Variants in GALNT13 observed in about 807,000 individuals in gnomAD.
The protein encoded by GALNT13 is polypeptide N-acetylgalactosaminyltransferase 13, also known as UDP-GalNAc:polypeptide N-acetylgalactosaminyltransferase 13.
GALNT13 carries 28 observed loss-of-function variants against 64.2 expected under a neutral mutation model. That is an observed-to-expected ratio of 0.44 (90% confidence interval 0.32 to 0.60). GALNT13 has a LOEUF of 0.60. Among genes scored for constraint, GALNT13 ranks in the 20% least tolerant of loss-of-function variants. GALNT13 has a pLI of 0.05. For missense variants in GALNT13, 577 were observed against 669.8 expected, an observed-to-expected ratio of 0.86 and a Z score of 1.53; for synonymous variants, 214 against 224.6, an observed-to-expected ratio of 0.95 and a Z score of 0.42.
chr2:153,759,842 A>G, the GALNT13 span, among the ~76,000 whole-genome samples: 1 of 151,984 alleles, frequency 6.6e-6, no homozygotes, highest in African/African-American at 2.4e-5. Context: ...AAAAAATTGG[A>G]AATACTCATT....
intron 2 of GALNT13, among the ~76,000 whole-genome samples, chr2:153,904,965 G>T (rs1688458160): frequency 6.6e-6 from 1 of 151,776 alleles, no homozygotes; most frequent in Non-Finnish European, 1.5e-5. Flanking sequence ...TTCTATATAT[G>T]TCTGGGTCTT....
chr2:153,256,521 C>T, the GALNT13 span, among the ~76,000 whole-genome samples: 1 of 152,206 alleles, frequency 6.6e-6, no homozygotes, highest in Admixed American at 6.5e-5. Flanking sequence ...GAACTGCGTT[C>T]CTTTGGAGGA....
chr2:154,311,783 A>G (rs1694056168), intron 9 of GALNT13, among the ~76,000 whole-genome samples: 1 of 152,114 alleles, frequency 6.6e-6, no homozygotes, highest in South Asian at 2.1e-4. Context: ...TCAGAGACCT[A>G]CCCCTAGGTG....
intron 3 of GALNT13, among the ~76,000 whole-genome samples, chr2:154,046,135 C>T (rs1699270654): frequency 6.6e-6 from 1 of 151,114 alleles, no homozygotes; most frequent in Non-Finnish European, 1.5e-5. Context: ...TAGTGAGACC[C>T]CATCTCTACC....
chr2:153,210,559 T>C, the GALNT13 span, among the ~76,000 whole-genome samples: 1 of 152,206 alleles, frequency 6.6e-6, no homozygotes, highest in Non-Finnish European at 1.5e-5. Context: ...TTGCTAATGT[T>C]TTGTTAAAGA....
chr2:153,744,929 G>A, the GALNT13 span, among the ~76,000 whole-genome samples: 1 of 152,150 alleles, frequency 6.6e-6, no homozygotes, highest in South Asian at 2.1e-4. Context: ...GTAGGGACAC[G>A]AAGGCCTGGT....
At chr2:153,635,415 TAC>T in the GALNT13 span, among the ~76,000 whole-genome samples, 5 of 122,644 alleles carry the variant, frequency 4.1e-5, no homozygotes, top group African/African-American at 1.5e-4. Context: ...TATATATATA[TAC>T]ACATATATAT....
the GALNT13 span, among the ~76,000 whole-genome samples, chr2:153,861,228 C>A: frequency 2.0e-5 from 3 of 152,290 alleles, no homozygotes; most frequent in Non-Finnish European, 4.4e-5. Flanking sequence ...TTATTTAATT[C>A]TCAAAATATC....
chr2:153,875,111 C>CATATATAT (rs66852005), intron 1 of GALNT13, among the ~76,000 whole-genome samples: 20 of 150,132 alleles, frequency 1.3e-4, no homozygotes, highest in Admixed American at 2.7e-4. Flanking sequence ...CCTACTGCTT[C>CATATATAT]ATATATATAT....
chr2:154,179,843 AAT>A (rs1685859569), intron 4 of GALNT13, among the ~76,000 whole-genome samples: 1 of 149,770 alleles, frequency 6.7e-6, no homozygotes. Context: ...AAAAAAAAAA[AAT>A]CTTAAAAGGA....
At chr2:153,404,540 T>C in the GALNT13 span, among the ~76,000 whole-genome samples, 1 of 151,906 alleles carries the variant, frequency 6.6e-6, no homozygotes. Flanking sequence ...AGAAAAAAAA[T>C]CTAGGAAAAG....
Position 154,450,779 on chromosome 2 carries a change from A to G in GALNT13, c.*228A>G. 3 of 396,730 alleles carry G rather than the reference A, an allele frequency of 7.6e-6. No homozygotes were observed. The highest frequency in any genetic ancestry group is 4.1e-5 in the Admixed American group (1 of 24,368). The allele number at this position is 396,730 out of a possible 1,614,324, so 24.6% of individuals were successfully genotyped here. ...AAATAATAGCAAACTACTATTAAAC[A>G]ACAGAACAACTTGTAAAACAAATTG... On this transcript the variant is annotated 3_prime_UTR_variant, in exon 13 of 13. Coordinates refer to ENST00000392825, the MANE Select transcript of GALNT13 (RefSeq NM_052917.4).
At chr2:153,675,461 G>A in the GALNT13 span, among the ~76,000 whole-genome samples, 34 of 152,134 alleles carry the variant, frequency 2.2e-4, no homozygotes, top group African/African-American at 6.7e-4. Context: ...ACCAAACACC[G>A]CATGTTCTCA....
chr2:154,275,540 T>C (rs1002791556), intron 8 of GALNT13, among the ~76,000 whole-genome samples: 5 of 152,170 alleles, frequency 3.3e-5, no homozygotes, highest in African/African-American at 1.2e-4. Context: ...AAGTCAAGAA[T>C]TGAGGTTGGG....
chr2:153,103,483 G>T, the GALNT13 span, among the ~76,000 whole-genome samples: 1 of 152,178 alleles, frequency 6.6e-6, no homozygotes, highest in East Asian at 1.9e-4. Flanking sequence ...TGGATAGTTT[G>T]AGAGGGTACA....
At chr2:153,635,298 C>G in the GALNT13 span, among the ~76,000 whole-genome samples, 1 of 150,834 alleles carries the variant, frequency 6.6e-6, no homozygotes, top group African/African-American at 2.4e-5. Context: ...AATGCATTTT[C>G]TTTTGCTTCA....
the GALNT13 span, among the ~76,000 whole-genome samples, chr2:153,471,187 T>C: frequency 4.6e-5 from 7 of 152,168 alleles, no homozygotes; most frequent in Non-Finnish European, 1.0e-4. Flanking sequence ...CCGAAGGACA[T>C]GTGCAAACAG....
chr2:154,016,196 T>G (rs894209513), intron 3 of GALNT13, among the ~76,000 whole-genome samples: 1 of 152,216 alleles, frequency 6.6e-6, no homozygotes. Context: ...CTATATCATT[T>G]TAGATGCCTC....
the GALNT13 span, among the ~76,000 whole-genome samples, chr2:153,327,323 A>G: frequency 6.6e-6 from 1 of 151,928 alleles, no homozygotes; most frequent in African/African-American, 2.4e-5. Flanking sequence ...TGTTCTCTGT[A>G]TTTCCCAAAT....
Sources: gnomAD v4.1 joint callset for allele counts (sites outside exome capture counted in the v4.1 genomes callset) on GRCh38, gnomAD v4.1.1 for gene constraint, MANE v1.5 for transcripts, NCBI Gene and HGNC (gene_info 2026-07-23, HGNC 2026-07-21) for gene names.